Variants in KY observed in about 807,000 individuals in gnomAD.
KY encodes the protein kyphoscoliosis peptidase.
In KY, 43 loss-of-function variants were observed where a neutral mutation model predicts 76.1. The observed-to-expected ratio is 0.57, with a 90% CI of 0.44 to 0.73. KY has a LOEUF of 0.73. Among genes scored for constraint, KY ranks in the 30% least tolerant of loss-of-function variants. KY has a pLI of 0.00. For missense variants in KY, 722 were observed against 828.9 expected, an observed-to-expected ratio of 0.87 and a Z score of 1.58; for synonymous variants, 277 against 326.2, an observed-to-expected ratio of 0.85 and a Z score of 1.63.
At chr3:134,618,105 AAAGGGAAGT>A (rs1961906345) in intron 8 of KY, among the ~76,000 whole-genome samples, 1 of 152,046 alleles carries the variant, frequency 6.6e-6, no homozygotes, top group South Asian at 2.1e-4. Context: ...GAAAGTGAGA[AAAGGGAAGT>A]ACAGGAAGCA....
intron 3 of KY, among the ~76,000 whole-genome samples, chr3:134,637,009 A>G (rs561643535): frequency 6.6e-6 from 1 of 152,346 alleles, no homozygotes; most frequent in Non-Finnish European, 1.5e-5. Context: ...TTCATAGAAT[A>G]ACAATACTGT....
Position 134,625,667 on chromosome 3 carries a change from C to T in KY, c.401-532G>A, listed in dbSNP as rs573304031. Among the ~76,000 whole-genome samples, 6 of 152,370 alleles carry T rather than the reference C, an allele frequency of 3.9e-5. No homozygotes were observed. The East Asian group carries it at 1.2e-3, about 29-fold the overall frequency. ...ATGGAAAGGCCGGGCCATCTGGGTC[C>T]TGCAGGGCGAGGTGCGTTTGGCACC... On this transcript the variant is annotated intron_variant, in intron 5 of 10. Transcript: ENST00000423778.
chr3:134,644,762 A>G (rs2108019142), intron 2 of KY, among the ~76,000 whole-genome samples: 1 of 152,312 alleles, frequency 6.6e-6, no homozygotes. Flanking sequence ...GGGGTGAGGT[A>G]CTGAGCCAGG....
chr3:134,609,021 CTG>C (rs1410423324), intron 9 of KY, among the ~76,000 whole-genome samples, 182 bp from the exon 10 acceptor site: 1 of 152,198 alleles, frequency 6.6e-6, no homozygotes, highest in African/African-American at 2.4e-5. Context: ...AAGGCAGGGT[CTG>C]AGGTCCCTTC....
In KY at chr3:134,601,158, G is replaced by T. The variant is rs562759651; in HGVS notation, c.*2421C>A. 1 of 152,322 alleles carries T rather than the reference G, an allele frequency of 6.6e-6. No homozygotes were observed. Among genetic ancestry groups the T allele is most frequent in the African/African-American group, 2.4e-5 (1 of 41,572 alleles). 9.4% of individuals were successfully genotyped at this position (152,322 alleles called of 1,614,324 possible). A position where few individuals can be genotyped will look rare whatever the true frequency, so the allele number is the denominator to read the frequency against. ...TGCGTGTAAAAATTCATGAAGATTA[G>T]ATTTCATTTCATGTATTTTTACTTC... On this transcript the variant is annotated 3_prime_UTR_variant, in exon 11 of 11. Coordinates refer to ENST00000423778, the MANE Select transcript of KY (RefSeq NM_178554.6).
In KY at chr3:134,604,326, C is replaced by T; in HGVS notation, c.1239G>A (p.Lys413=). 6.2e-7 allele frequency: 1 copy of T among 1,614,020 alleles called. No individual in the cohort carries two copies. The highest frequency in any genetic ancestry group is 8.5e-7 in the Non-Finnish European group (1 of 1,179,896). The change falls in exon 11 of 11, where the codon AAG becomes AAA. Residue 413 remains lysine (K), a synonymous_variant. Coordinates refer to ENST00000423778, the MANE Select transcript of KY (RefSeq NM_178554.6). ...AGTTGCCCTTGGCAAAGATCTGCAGCTTGTGAGTGCCCATGGTTGGAGGGT... is the reference window on the plus strand; with the variant it reads ...AGTTGCCCTTGGCAAAGATCTGCAGTTTGTGAGTGCCCATGGTTGGAGGGT... ...EVYPPTMGTH[K]LQIFAKGNSD...
rs371732532 is a variant in KY, at chr3:134,610,387, G to C, written c.711-4C>G. 2.4e-5 allele frequency: 39 copies of C among 1,609,544 alleles called. No homozygotes were observed. The highest frequency in any genetic ancestry group is 3.2e-5 in the Non-Finnish European group (38 of 1,177,802). On this transcript the variant is annotated splice_region_variant and splice_polypyrimidine_tract_variant and intron_variant, in intron 8 of 10. Coordinates refer to ENST00000423778, the MANE Select transcript of KY (RefSeq NM_178554.6). The stretch of plus-strand genomic sequence containing the variant: ...CATACACTGCACTCCGGCGAGCCTG[G>C]GGGCAGGACAGGGGGTCTGAGAGGG...
chr3:134,623,922 A>G (rs1050226154), intron 6 of KY, among the ~76,000 whole-genome samples: 1 of 151,912 alleles, frequency 6.6e-6, no homozygotes, highest in African/African-American at 2.4e-5. Context: ...CCCCTGCAAT[A>G]TGATGCCCGT....
chr3:134,607,204 T>C, intron 10 of KY: 1 of 985,492 alleles, frequency 1.0e-6, no homozygotes, highest in African/African-American at 1.7e-5. Flanking sequence ...AGGAAATGGA[T>C]TCTCAAATTG....
At position 134,603,224 on chromosome 3, in the gene KY, G is replaced by T; in HGVS notation, c.*355C>A. On this transcript the variant is annotated 3_prime_UTR_variant, in exon 11 of 11. Transcript: ENST00000423778. ...GCATCATGTGAAAAGCTGTCAACCT[G>T]GGCAATATCCCTGCTTTCCCTCATC... 1 of 188,664 alleles carries T rather than the reference G, an allele frequency of 5.3e-6. No individual in the cohort carries two copies. The highest frequency in any genetic ancestry group is 1.1e-5 in the Non-Finnish European group (1 of 92,384). The allele number at this position is 188,664 out of a possible 1,614,324, so 11.7% of individuals were successfully genotyped here. A position where few individuals can be genotyped will look rare whatever the true frequency, so the allele number is the denominator to read the frequency against.
At chr3:134,618,366 A>T (rs1255690298) in intron 8 of KY, among the ~76,000 whole-genome samples, 1 of 152,136 alleles carries the variant, frequency 6.6e-6, no homozygotes, top group African/African-American at 2.4e-5. Context: ...CTGGGTGCCT[A>T]AGAAGACTCA....
chr3:134,629,510 A>G, intron 4 of KY, 111 bp downstream of exon 4: 1 of 781,362 alleles, frequency 1.3e-6, no homozygotes, highest in Non-Finnish European at 2.2e-6. Context: ...TTGCAGGCCC[A>G]TGTCACTCTT....
In KY at chr3:134,607,784, G is replaced by A. The variant is rs114879820; in HGVS notation, c.1090+865C>T. ...TCAGCCCAGGCCAGCCATGGGAGAT[G>A]GCTAAGCTGGGTATCCTATACTGCC... is the stretch of plus-strand genomic sequence containing the variant. On this transcript the variant is annotated intron_variant, in intron 10 of 10. Coordinates refer to ENST00000423778, the MANE Select transcript of KY (RefSeq NM_178554.6). 1.9e-3 allele frequency: 1,872 copies of A among 986,300 alleles called. 34 individuals are homozygous for A. In the African/African-American group the frequency reaches 0.03, roughly 16 times the overall value. 61.1% of individuals were successfully genotyped at this position (986,300 alleles called of 1,614,324 possible). A position where few individuals can be genotyped will look rare whatever the true frequency, so the allele number is the denominator to read the frequency against.
At chr3:134,635,953 CAT>C (rs1964906872) in intron 3 of KY, among the ~76,000 whole-genome samples, 1 of 152,118 alleles carries the variant, frequency 6.6e-6, no homozygotes, top group Non-Finnish European at 1.5e-5. Flanking sequence ...TGAGCATAGC[CAT>C]ATGTTATCAT....
chr3:134,643,283 A>AG, intron 3 of KY, 33 bp downstream of exon 3: 1 of 1,606,892 alleles, frequency 6.2e-7, no homozygotes, highest in Non-Finnish European at 8.5e-7. Context: ...ACACCTCTGC[A>AG]GGGGAGGTCA....
chr3:134,631,677 A>G (rs1340916909), intron 3 of KY, among the ~76,000 whole-genome samples: 1 of 152,146 alleles, frequency 6.6e-6, no homozygotes, highest in Non-Finnish European at 1.5e-5. Flanking sequence ...ATGAAAAGTT[A>G]AGTACATATA....
At chr3:134,637,378 T>C (rs1362694135) in intron 3 of KY, among the ~76,000 whole-genome samples, 1 of 152,168 alleles carries the variant, frequency 6.6e-6, no homozygotes, top group Non-Finnish European at 1.5e-5. Context: ...TTAAAGTGAG[T>C]GCTAAGTGGT....
At chr3:134,634,291 A>C (rs534013363) in intron 3 of KY, among the ~76,000 whole-genome samples, 3 of 152,152 alleles carry the variant, frequency 2.0e-5, no homozygotes, top group Non-Finnish European at 4.4e-5. Flanking sequence ...AACTGGAATA[A>C]CTAAACTAAT....
intron 6 of KY, among the ~76,000 whole-genome samples, chr3:134,624,136 C>A (rs942581051): frequency 2.6e-5 from 4 of 152,122 alleles, no homozygotes; most frequent in African/African-American, 7.2e-5. Context: ...TACTGATGCA[C>A]CCTCCAGGAG....
Sources: allele counts gnomAD v4.1 joint callset (sites outside exome capture counted in the v4.1 genomes callset), GRCh38; gene constraint gnomAD v4.1.1; transcripts MANE v1.5; gene names NCBI Gene and HGNC (gene_info 2026-07-23, HGNC 2026-07-21).